The following SLC4A5 variants were observed in gnomAD, a reference collection of about 807,000 sequenced individuals.
SLC4A5 encodes electrogenic sodium bicarbonate cotransporter 4.
In SLC4A5, 96 loss-of-function variants were observed where a neutral mutation model predicts 120.4. The ratio of observed to expected loss-of-function variants is 0.80; its 90% CI spans 0.68 to 0.94. SLC4A5 has a LOEUF of 0.94. Among genes scored for constraint, SLC4A5 ranks in the 40% least tolerant of loss-of-function variants. The pLI is 0.00. For missense variants in SLC4A5, 1,259 were observed against 1,459.5 expected (o/e 0.86, Z 2.24); for synonymous variants, 550 against 571.1 (o/e 0.96, Z 0.53).
chr2:74,289,759 T>G (rs999677554), intron 7 of SLC4A5, among the ~76,000 whole-genome samples: 1 of 152,176 alleles, frequency 6.6e-6, no homozygotes, highest in Non-Finnish European at 1.5e-5. Context: ...TTGAGAAAAC[T>G]GTGACTGCTT....
chr2:74,335,018 G>T (rs539609795), intron 3 of SLC4A5, among the ~76,000 whole-genome samples: 2 of 152,132 alleles, frequency 1.3e-5, no homozygotes, highest in Non-Finnish European at 2.9e-5. Flanking sequence ...CTCCCGTCTT[G>T]CCTGCTCTCT....
exon 27 of SLC4A5, chr2:74,227,008 C>G (rs113716528): frequency 1.2e-6 from 2 of 1,614,078 alleles, no homozygotes; most frequent in Non-Finnish European, 1.7e-6. Context: ...TCCAGAGCAC[C>G]GCCAGGCAGA....
chr2:74,250,531 G>T lies in SLC4A5; in HGVS notation c.1479-14C>A, dbSNP rs747100223. The T allele has an allele frequency of 6.2e-7, 1 of 1,613,862 alleles. No homozygotes were observed. The highest frequency in any genetic ancestry group is 1.1e-5 in the South Asian group (1 of 91,032). ...CCACCGAAGAACCTGCTCAAGACAG[G>T]CCCAGGGGCTGCTTTCTCACCACTA... On this transcript the variant is annotated splice_polypyrimidine_tract_variant and intron_variant, in intron 16 of 30. Coordinates refer to ENST00000394019, the Ensembl canonical transcript of SLC4A5.
chr2:74,264,436 C>A, intron 9 of SLC4A5, 137 bp from the exon 10 acceptor site: 1 of 966,584 alleles, frequency 1.0e-6, no homozygotes, highest in Admixed American at 2.9e-5. Flanking sequence ...TTGCCACTAG[C>A]TGTGGAAAAC....
chr2:74,308,015 C>G (rs774640761), intron 6 of SLC4A5: 3 of 539,376 alleles, frequency 5.6e-6, no homozygotes. Flanking sequence ...TCATGCTGTC[C>G]GGGGAGGAGA....
intron 6 of SLC4A5, chr2:74,306,958 C>T: frequency 1.6e-6 from 1 of 607,008 alleles, no homozygotes; most frequent in South Asian, 1.5e-5. Flanking sequence ...TGTCCCTCTG[C>T]CTGGGTCTGT....
intron 7 of SLC4A5, chr2:74,290,807 C>T (rs1672142193): frequency 2.0e-6 from 2 of 978,030 alleles, no homozygotes; most frequent in South Asian, 4.7e-5. Flanking sequence ...AGAGGACTGG[C>T]AAAACTGCCC....
chr2:74,300,041 A>G (rs576470209), intron 7 of SLC4A5, among the ~76,000 whole-genome samples: 1 of 152,386 alleles, frequency 6.6e-6, no homozygotes, highest in South Asian at 2.1e-4. Flanking sequence ...TTATTCAGCC[A>G]TAAAAAAGAA....
chr2:74,233,300 T>G, intron 23 of SLC4A5, 102 bp downstream of exon 23: 1 of 1,387,484 alleles, frequency 7.2e-7, no homozygotes. Context: ...CCTCATATTT[T>G]CCTGGCCCAA....
intron 6 of SLC4A5, among the ~76,000 whole-genome samples, chr2:74,311,105 A>T (rs879728501): frequency 1.4e-4 from 21 of 152,282 alleles, no homozygotes; most frequent in Non-Finnish European, 2.4e-4. Flanking sequence ...AGAGTTGCTC[A>T]TAATATTCCT....
intron 6 of SLC4A5, among the ~76,000 whole-genome samples, chr2:74,314,316 A>G (rs1672898194): frequency 6.6e-6 from 1 of 152,040 alleles, no homozygotes; most frequent in African/African-American, 2.4e-5. Flanking sequence ...GGCTCAGGAC[A>G]TGTGCCAAGT....
At position 74,250,572 on chromosome 2, in the gene SLC4A5, CA is replaced by C. The variant is rs377515577; in HGVS notation, c.1479-56del. 96 of 1,597,306 alleles carry C rather than the reference CA, an allele frequency of 6.0e-5. No homozygotes were observed. The African/African-American group carries it at 1.2e-3, about 20-fold the overall frequency. ...CTCACCACTAACACCAGTGCAGGGG[CA>C]GGGCTATTTACAAGAACTTGCAGAG... On this transcript the variant is annotated intron_variant, in intron 16 of 30. Coordinates refer to ENST00000394019, the Ensembl canonical transcript of SLC4A5.
chr2:74,304,669 T>C lies in SLC4A5; in HGVS notation c.91A>G (p.Ile31Val), dbSNP rs763707324. ...GTGGGTACTGGAAGCCCAATGTGGA[T>C]AGGAGGGCATTCTGTGGACACGGCA... The change falls in exon 7 of 31, where the codon ATC becomes GTC. Residue 31 changes from isoleucine to valine, a missense_variant. Ile to Val is a conservative substitution (Grantham distance 29). Coordinates refer to ENST00000394019, the Ensembl canonical transcript of SLC4A5. 6 of 1,612,926 alleles carry C rather than the reference T, an allele frequency of 3.7e-6. No individual in the cohort carries two copies. In the South Asian group the frequency reaches 4.4e-5, roughly 12 times the overall value.
At chr2:74,264,835 A>G (rs185816903) in intron 9 of SLC4A5, among the ~76,000 whole-genome samples, 2 of 152,278 alleles carry the variant, frequency 1.3e-5, no homozygotes, top group African/African-American at 4.8e-5. Flanking sequence ...GGTATCTCTG[A>G]CTATGCAAGA....
chr2:74,281,140 A>G (rs1671801051), intron 8 of SLC4A5, among the ~76,000 whole-genome samples: 1 of 152,168 alleles, frequency 6.6e-6, no homozygotes, highest in African/African-American at 2.4e-5. Flanking sequence ...CAACTGACCC[A>G]CTTCTCCTGC....
intron 3 of SLC4A5, 123 bp downstream of exon 3, chr2:74,338,732 C>G (rs1223057742): frequency 1.3e-5 from 2 of 152,144 alleles, no homozygotes; most frequent in East Asian, 3.8e-4. Context: ...GAGAACTGCT[C>G]GAACCCAGTA....
At chr2:74,333,078 C>A (rs911223259) in intron 4 of SLC4A5, among the ~76,000 whole-genome samples, 1 of 152,152 alleles carries the variant, frequency 6.6e-6, no homozygotes, top group Admixed American at 6.5e-5. Context: ...TGTTCCTCAG[C>A]CACAGGTGTC....
intron 6 of SLC4A5, among the ~76,000 whole-genome samples, chr2:74,312,239 GTATA>G (rs149183086): frequency 6.8e-5 from 10 of 147,936 alleles, no homozygotes; most frequent in African/African-American, 2.1e-4. Flanking sequence ...ATGTGTGTGT[GTATA>G]TGTGTGTGTG....
intron 8 of SLC4A5, among the ~76,000 whole-genome samples, chr2:74,272,046 T>C (rs1040298574): frequency 2.0e-5 from 3 of 152,088 alleles, no homozygotes; most frequent in African/African-American, 7.2e-5. Context: ...ACCACTGCAA[T>C]GAAGCTGAAG....
Sources: allele counts gnomAD v4.1 joint callset (sites outside exome capture counted in the v4.1 genomes callset), GRCh38; gene constraint gnomAD v4.1.1; transcripts MANE v1.5; gene names NCBI Gene and HGNC (gene_info 2026-07-23, HGNC 2026-07-21).